Variants in FGF13 observed in about 807,000 individuals in gnomAD.
FGF13 encodes the protein fibroblast growth factor 13.
Under a neutral mutation model 19.5 loss-of-function variants are expected in FGF13, and 2 were observed. That is an observed-to-expected ratio of 0.10 (90% CI 0.04 to 0.32). The LOEUF is 0.32. FGF13 is among the 10% of genes least tolerant of loss of function. The pLI, the probability that FGF13 is intolerant of heterozygous loss-of-function variation, is 1.00. For synonymous variants in FGF13, 72 were observed against 76.9 expected, an observed-to-expected ratio of 0.94 and a Z score of 0.33; for missense variants, 113 against 192.7, an observed-to-expected ratio of 0.59 and a Z score of 2.45.
intron 1 of FGF13, among the ~76,000 whole-genome samples, chrX:139,109,405 G>A (rs1383076780): frequency 8.9e-6 from 1 of 111,849 alleles, no homozygotes; most frequent in Non-Finnish European, 1.9e-5. Flanking sequence ...GTATGCCAAA[G>A]TATCTGCAGT....
At chrX:139,150,894 G>A (rs185864796) in intron 1 of FGF13, among the ~76,000 whole-genome samples, 144 of 110,724 alleles carry the variant, frequency 1.3e-3, no homozygotes, top group Non-Finnish European at 2.2e-3. Flanking sequence ...TTGTTTCAGC[G>A]GCCCACAAAG....
chrX:138,989,579 G>T (rs2092006705), intron 1 of FGF13, among the ~76,000 whole-genome samples: 1 of 111,377 alleles, frequency 9.0e-6, no homozygotes, highest in South Asian at 3.7e-4. Flanking sequence ...GCCTTGCAGA[G>T]ATAAAGCTAT....
chrX:139,149,277 C>T (rs1162147837), intron 1 of FGF13, among the ~76,000 whole-genome samples: 3 of 111,835 alleles, frequency 2.7e-5, no homozygotes, highest in Non-Finnish European at 5.6e-5. Context: ...ATTTCTAGAC[C>T]TGTGCACATA....
chrX:138,737,438 A>C (rs1294813208), intron 1 of FGF13, among the ~76,000 whole-genome samples: 2 of 111,992 alleles, frequency 1.8e-5, no homozygotes, highest in African/African-American at 6.5e-5. Flanking sequence ...CAACTGCAGC[A>C]TTTTCAATCA....
intron 1 of FGF13, among the ~76,000 whole-genome samples, chrX:138,735,850 G>A (rs1248103363): frequency 8.9e-6 from 1 of 112,099 alleles, no homozygotes; most frequent in African/African-American, 3.2e-5. Context: ...AAATTAAAGA[G>A]TAATCATTTT....
chrX:138,984,611 G>T (rs756164695), intron 1 of FGF13, among the ~76,000 whole-genome samples: 4 of 58,910 alleles, frequency 6.8e-5, no homozygotes, highest in East Asian at 1.1e-3. Context: ...AGGAGGAGGA[G>T]GAGGATGAGG....
intron 1 of FGF13, among the ~76,000 whole-genome samples, chrX:138,940,566 T>G (rs2091752856): frequency 8.9e-6 from 1 of 111,762 alleles, no homozygotes; most frequent in African/African-American, 3.3e-5. Context: ...AGTTTTAGGT[T>G]TTACATTTAA....
chrX:138,810,276 C>G (rs2090911724), intron 3 of FGF13, among the ~76,000 whole-genome samples: 1 of 111,461 alleles, frequency 9.0e-6, no homozygotes, highest in Non-Finnish European at 1.9e-5. Flanking sequence ...ACAGAGCCCT[C>G]AGAAATAATA....
chrX:138,887,362 G>A (rs147420426), intron 1 of FGF13, among the ~76,000 whole-genome samples: 59 of 111,714 alleles, frequency 5.3e-4, no homozygotes, highest in African/African-American at 1.8e-3. Context: ...AGTTCCCACC[G>A]TGCTAAGTTA....
intron 3 of FGF13, among the ~76,000 whole-genome samples, chrX:138,778,956 G>A (rs890002693): frequency 7.1e-5 from 8 of 112,221 alleles, no homozygotes; most frequent in Non-Finnish European, 1.1e-4. Context: ...CTTCCAGCAC[G>A]AGCTGGAGAT....
intron 1 of FGF13, among the ~76,000 whole-genome samples, chrX:139,051,454 A>G (rs1446744231): frequency 8.9e-6 from 1 of 111,971 alleles, no homozygotes; most frequent in African/African-American, 3.2e-5. Context: ...TAGCCCCTAT[A>G]TATAGACCAG....
At chrX:138,901,118 T>G (rs975242456) in intron 1 of FGF13, among the ~76,000 whole-genome samples, 3 of 112,251 alleles carry the variant, frequency 2.7e-5, no homozygotes, top group African/African-American at 9.7e-5. Context: ...CTTTGGCACA[T>G]AAGATACACA....
intron 1 of FGF13, among the ~76,000 whole-genome samples, chrX:139,159,094 C>T (rs1357122145): frequency 1.8e-5 from 2 of 111,881 alleles, no homozygotes; most frequent in African/African-American, 3.2e-5. Flanking sequence ...TTGGGTTACC[C>T]ACAAAGGGAA....
chrX:138,892,645 G>A (rs1348741444), intron 1 of FGF13, among the ~76,000 whole-genome samples: 1 of 110,752 alleles, frequency 9.0e-6, no homozygotes, highest in Non-Finnish European at 1.9e-5. Context: ...ATGAGTAGAA[G>A]CCTCCAAAGG....
chrX:138,876,119 C>T (rs907978949), intron 1 of FGF13, among the ~76,000 whole-genome samples: 1 of 111,527 alleles, frequency 9.0e-6, no homozygotes, highest in Non-Finnish European at 1.9e-5. Context: ...ACCACTTGCC[C>T]ATTTCTTTTA....
chrX:139,080,078 G>GCA (rs1569451005), intron 1 of FGF13, among the ~76,000 whole-genome samples: 7 of 95,744 alleles, frequency 7.3e-5, no homozygotes, highest in African/African-American at 2.6e-4. Context: ...ACACACACAC[G>GCA]CACACACACA....
Position 138,694,451 on chromosome X carries a change from CT to C in FGF13, c.402+8532del, listed in dbSNP as rs755524415. 2.6e-3 allele frequency among the ~76,000 whole-genome samples: 230 copies of C among 88,230 alleles called. 1 individual carries two copies. The highest frequency in any genetic ancestry group is 5.7e-3 in the South Asian group (11 of 1,926). 76.6% of individuals were successfully genotyped at this position (88,230 alleles called of 115,157 possible). Reference sequence around the variant, plus strand: ...AATTTTTTCTTTTTTCTTTTCTTTTCTTTTTTTTTTTTTTTTTGAGATGGAG... The same window carrying C: ...AATTTTTTCTTTTTTCTTTTCTTTTCTTTTTTTTTTTTTTTTGAGATGGAG... On this transcript the variant is annotated intron_variant, in intron 3 of 4. Coordinates refer to ENST00000315930, the MANE Select transcript of FGF13 (RefSeq NM_004114.5).
intron 1 of FGF13, among the ~76,000 whole-genome samples, chrX:138,737,639 A>C (rs776036341): frequency 1.8e-5 from 2 of 112,279 alleles, no homozygotes; most frequent in Non-Finnish European, 3.8e-5. Context: ...GACAGTCTCC[A>C]ATTCATAGAC....
chrX:139,008,047 G>T (rs1419010733), intron 1 of FGF13, among the ~76,000 whole-genome samples: 1 of 112,463 alleles, frequency 8.9e-6, no homozygotes, highest in Non-Finnish European at 1.9e-5. Context: ...CACTTCTCTG[G>T]TGAACTGTAT....
Sources: allele counts gnomAD v4.1 joint callset (sites outside exome capture counted in the v4.1 genomes callset), GRCh38; gene constraint gnomAD v4.1.1; transcripts MANE v1.5; gene names NCBI Gene and HGNC (gene_info 2026-07-23, HGNC 2026-07-21).